Variants in SNX29 observed in about 807,000 individuals in gnomAD.
The protein encoded by SNX29 is sorting nexin 29, also known as sorting nexin-29.
A neutral mutation model predicts 102.1 loss-of-function variants in SNX29; 78 were observed. The observed-to-expected ratio is 0.76, with a 90% CI of 0.64 to 0.92. SNX29 has a LOEUF of 0.92. Among genes scored for constraint, SNX29 ranks in the 40% least tolerant of loss-of-function variants. The probability of loss-of-function intolerance (pLI) is 0.00; values close to 1 mark genes in which losing one functional copy is unlikely to be tolerated. For missense variants in SNX29, 1,280 were observed against 1,061.7 expected (o/e 1.21, Z -2.86); for synonymous variants, 580 against 414.5 (o/e 1.40, Z -4.85).
chr16:12,266,587 G>GA (rs2078935115), intron 14 of SNX29, among the ~76,000 whole-genome samples: 1 of 148,230 alleles, frequency 6.7e-6, no homozygotes, highest in Admixed American at 6.9e-5. Flanking sequence ...TTGCTATTAT[G>GA]AATTATAGTG....
At chr16:12,476,424 A>ATACATG (rs2087645864) in intron 18 of SNX29, among the ~76,000 whole-genome samples, 1 of 89,664 alleles carries the variant, frequency 1.1e-5, no homozygotes, top group Non-Finnish European at 2.3e-5. Context: ...ATATATATAT[A>ATACATG]TATATATATA....
intron 8 of SNX29, 94 bp from the exon 9 acceptor site, chr16:12,061,434 T>G: frequency 9.9e-7 from 1 of 1,007,816 alleles, no homozygotes; most frequent in Non-Finnish European, 1.5e-6. Flanking sequence ...CTTGGCCTGG[T>G]TAGTTCTCAG....
intron 19 of SNX29, among the ~76,000 whole-genome samples, chr16:12,495,219 T>C (rs2088760559): frequency 1.3e-5 from 2 of 152,184 alleles, no homozygotes; most frequent in South Asian, 2.1e-4. Context: ...TGGCATGGTC[T>C]CGGCTCACTG....
At chr16:12,292,405 G>T (rs1456103514) in intron 15 of SNX29, among the ~76,000 whole-genome samples, 1 of 152,126 alleles carries the variant, frequency 6.6e-6, no homozygotes, top group East Asian at 1.9e-4. Flanking sequence ...TTTTTTCTGT[G>T]TCTTGATTCT....
intron 13 of SNX29, among the ~76,000 whole-genome samples, chr16:12,182,657 C>T (rs1026318928): frequency 2.0e-5 from 3 of 152,090 alleles, no homozygotes; most frequent in African/African-American, 7.2e-5. Flanking sequence ...TCCTGAGGCC[C>T]GATGCAGTGG....
intron 18 of SNX29, among the ~76,000 whole-genome samples, chr16:12,446,627 G>A (rs1567572070): frequency 1.3e-5 from 2 of 152,146 alleles, no homozygotes; most frequent in East Asian, 1.9e-4. Context: ...TTGGCCCTGT[G>A]GAGGGGATTC....
At chr16:12,355,378 C>G (rs2082100861) in intron 15 of SNX29, among the ~76,000 whole-genome samples, 1 of 152,070 alleles carries the variant, frequency 6.6e-6, no homozygotes, top group African/African-American at 2.4e-5. Context: ...CTGCAAATGG[C>G]CTGGTATTGT....
chr16:12,036,137 C>G (rs919550426), intron 4 of SNX29, among the ~76,000 whole-genome samples: 10 of 151,966 alleles, frequency 6.6e-5, no homozygotes, highest in Non-Finnish European at 1.3e-4. Flanking sequence ...TGCAGTGGTG[C>G]AATCATAGCT....
intron 13 of SNX29, among the ~76,000 whole-genome samples, chr16:12,153,283 C>A (rs982764120): frequency 2.0e-5 from 3 of 151,924 alleles, no homozygotes; most frequent in Non-Finnish European, 2.9e-5. Context: ...AATGGCACAT[C>A]CTTTATTTTT....
intron 8 of SNX29, among the ~76,000 whole-genome samples, chr16:12,060,153 AC>A (rs909229583): frequency 5.3e-5 from 8 of 151,932 alleles, no homozygotes; most frequent in African/African-American, 1.2e-4. Flanking sequence ...CCAAAAAAAA[AC>A]CAATAAAAAT....
At chr16:11,989,371 C>G (rs1266563722) in intron 1 of SNX29, among the ~76,000 whole-genome samples, 1 of 152,200 alleles carries the variant, frequency 6.6e-6, no homozygotes, top group Non-Finnish European at 1.5e-5. Context: ...GCCCATCTGT[C>G]TGCATGCAGA....
intron 20 of SNX29, among the ~76,000 whole-genome samples, chr16:12,547,521 G>A (rs551174389): frequency 3.3e-5 from 5 of 152,216 alleles, no homozygotes; most frequent in Admixed American, 6.5e-5. Flanking sequence ...GGGTGTGAGA[G>A]AAAGAGGAAC....
At chr16:12,257,590 C>A (rs547252747) in intron 14 of SNX29, among the ~76,000 whole-genome samples, 1 of 152,080 alleles carries the variant, frequency 6.6e-6, no homozygotes, top group African/African-American at 2.4e-5. Context: ...CTCACTGAAG[C>A]CTTTAACTCT....
chr16:11,993,848 C>T (rs1596544726), intron 1 of SNX29, among the ~76,000 whole-genome samples: 2 of 152,154 alleles, frequency 1.3e-5, no homozygotes, highest in Admixed American at 6.6e-5. Flanking sequence ...AGGCCGGGCG[C>T]GGTGGCTCAT....
intron 18 of SNX29, among the ~76,000 whole-genome samples, chr16:12,446,042 T>A (rs1009029852): frequency 7.2e-6 from 1 of 139,308 alleles, no homozygotes. Flanking sequence ...CAGTAGCTTC[T>A]CATTCTTTTT....
At chr16:12,324,694 C>G (rs1165589910) in intron 15 of SNX29, among the ~76,000 whole-genome samples, 1 of 152,136 alleles carries the variant, frequency 6.6e-6, no homozygotes, top group Non-Finnish European at 1.5e-5. Flanking sequence ...CTTTAAAGCT[C>G]TATTCTCGGC....
chr16:12,038,102 C>G (rs2057526445), intron 4 of SNX29, among the ~76,000 whole-genome samples: 1 of 152,202 alleles, frequency 6.6e-6, no homozygotes, highest in Non-Finnish European at 1.5e-5. Flanking sequence ...ATGTTAATAA[C>G]TATGGCTAAC....
At chr16:12,536,744 A>T (rs888120632) in intron 20 of SNX29, among the ~76,000 whole-genome samples, 7 of 152,168 alleles carry the variant, frequency 4.6e-5, no homozygotes, top group African/African-American at 1.7e-4. Context: ...TTGGGAGGTC[A>T]AGGCAGGCGG....
intron 7 of SNX29, among the ~76,000 whole-genome samples, chr16:12,050,393 A>T (rs115391871): frequency 0.016 from 2,429 of 152,310 alleles, 62 homozygotes; most frequent in African/African-American, 0.055. Context: ...TTTGCTATAT[A>T]ACAAGTGATT....
Sources: gnomAD v4.1 joint callset for allele counts (sites outside exome capture counted in the v4.1 genomes callset) on GRCh38, gnomAD v4.1.1 for gene constraint, MANE v1.5 for transcripts, NCBI Gene and HGNC (gene_info 2026-07-23, HGNC 2026-07-21) for gene names.